The following STX17 variants were observed in gnomAD, a reference collection of about 807,000 sequenced individuals.
STX17 encodes the protein syntaxin-17.
A neutral mutation model predicts 35.9 loss-of-function variants in STX17; 29 were observed. That is an observed-to-expected ratio of 0.81 (90% CI 0.60 to 1.10). The LOEUF (loss-of-function observed/expected upper bound fraction) is 1.10. Ranked by LOEUF, STX17 falls within the 50% of genes least tolerant of loss-of-function variation. The probability of loss-of-function intolerance (pLI) is 0.00; values close to 1 mark genes in which losing one functional copy is unlikely to be tolerated. For missense variants in STX17, 312 were observed against 352.3 expected, an observed-to-expected ratio of 0.89 and a Z score of 0.92; for synonymous variants, 92 against 118.3, an observed-to-expected ratio of 0.78 and a Z score of 1.44.
chr9:99,908,255 G>GC (rs879920165), intron 1 of STX17, among the ~76,000 whole-genome samples: 148 of 85,658 alleles, frequency 1.7e-3, no homozygotes, highest in Non-Finnish European at 4.3e-3. Flanking sequence ...TTGACATCTT[G>GC]GGGGGGAGCT....
chr9:99,949,193 A>G (rs941970812), intron 3 of STX17, among the ~76,000 whole-genome samples: 1 of 152,054 alleles, frequency 6.6e-6, no homozygotes, highest in African/African-American at 2.4e-5. Flanking sequence ...TAATACCTAC[A>G]TTTCACATAT....
intron 6 of STX17, among the ~76,000 whole-genome samples, chr9:99,963,311 A>G (rs1250736270): frequency 6.6e-6 from 1 of 152,088 alleles, no homozygotes; most frequent in African/African-American, 2.4e-5. Flanking sequence ...CCCTATTTCT[A>G]GTCAAGGAGA....
At chr9:99,913,545 C>A (rs971093325) in intron 1 of STX17, among the ~76,000 whole-genome samples, 2 of 151,702 alleles carry the variant, frequency 1.3e-5, no homozygotes, top group Non-Finnish European at 2.9e-5. Flanking sequence ...AGATTCTGTT[C>A]CTTTTTGGAA....
chr9:99,959,832 C>T, intron 4 of STX17, 85 bp from the exon 5 acceptor site: 1 of 956,490 alleles, frequency 1.0e-6, no homozygotes, highest in Admixed American at 2.3e-5. Context: ...TTTAACGTGG[C>T]ATTTGTTTTA....
intron 3 of STX17, among the ~76,000 whole-genome samples, chr9:99,939,124 A>G (rs1326549956): frequency 6.6e-6 from 1 of 152,190 alleles, no homozygotes; most frequent in African/African-American, 2.4e-5. Context: ...TTTAATTTTT[A>G]AAAAGGGGGA....
chr9:99,961,487 A>G (rs149714765), intron 6 of STX17, among the ~76,000 whole-genome samples: 1 of 152,352 alleles, frequency 6.6e-6, no homozygotes, highest in East Asian at 1.9e-4. Context: ...GGAAGCACAA[A>G]GTCAATTTGT....
chr9:99,964,225 G>C (rs1250746656), intron 6 of STX17, among the ~76,000 whole-genome samples: 1 of 152,120 alleles, frequency 6.6e-6, no homozygotes, highest in Non-Finnish European at 1.5e-5. Flanking sequence ...CAGTTCATTG[G>C]TTTTGAATTT....
intron 3 of STX17, 68 bp downstream of exon 3, chr9:99,928,911 A>G (rs1829049348): frequency 5.6e-6 from 8 of 1,421,298 alleles, no homozygotes; most frequent in Non-Finnish European, 5.9e-6. Flanking sequence ...TTTTGCTAAA[A>G]TATTACCTTT....
intron 2 of STX17, among the ~76,000 whole-genome samples, chr9:99,926,284 A>G (rs536240485): frequency 1.3e-5 from 2 of 151,984 alleles, no homozygotes; most frequent in Non-Finnish European, 2.9e-5. Flanking sequence ...TATTAATTCC[A>G]TTATCCCTAT....
intron 4 of STX17, among the ~76,000 whole-genome samples, chr9:99,957,950 C>T (rs1564073621): frequency 1.3e-5 from 2 of 152,172 alleles, no homozygotes; most frequent in Middle Eastern, 3.4e-3. Flanking sequence ...GTTTCTTACA[C>T]GGTGGCTATA....
intron 3 of STX17, among the ~76,000 whole-genome samples, chr9:99,947,728 C>A (rs1393173832): frequency 6.6e-6 from 1 of 152,108 alleles, no homozygotes; most frequent in African/African-American, 2.4e-5. Context: ...TAGGGTGGAG[C>A]TCTGACGATC....
chr9:99,922,413 A>G (rs1587914910), intron 2 of STX17, among the ~76,000 whole-genome samples: 1 of 152,296 alleles, frequency 6.6e-6, no homozygotes, highest in East Asian at 1.9e-4. Flanking sequence ...TGTATTTCCA[A>G]TGCCTGTCAC....
chr9:99,950,682 A>G (rs1452903851), intron 3 of STX17, among the ~76,000 whole-genome samples: 4 of 151,940 alleles, frequency 2.6e-5, no homozygotes, highest in Admixed American at 2.6e-4. Flanking sequence ...AGCCTTATAT[A>G]TGTTAAATGT....
chr9:99,912,471 T>C (rs1273413356), intron 1 of STX17, among the ~76,000 whole-genome samples: 1 of 152,242 alleles, frequency 6.6e-6, no homozygotes, highest in Admixed American at 6.5e-5. Context: ...ACTATTTGTT[T>C]CTTTGCTGTT....
intron 4 of STX17, among the ~76,000 whole-genome samples, chr9:99,959,619 C>T (rs1027236930): frequency 6.6e-6 from 1 of 151,924 alleles, no homozygotes; most frequent in African/African-American, 2.4e-5. Flanking sequence ...GCCACTACAC[C>T]TGGCTAACTT....
intron 3 of STX17, among the ~76,000 whole-genome samples, chr9:99,938,511 G>A (rs547963187): frequency 4.6e-5 from 7 of 152,166 alleles, no homozygotes; most frequent in African/African-American, 7.2e-5. Flanking sequence ...AAGGCCAGGC[G>A]CAGTGGCTCA....
rs1041853240 is a variant in STX17 at position 99,972,659 on chromosome 9, A to G, written c.*3986A>G. Among the ~76,000 whole-genome samples the G allele has an allele frequency of 6.6e-6, 1 of 152,216 alleles. No homozygotes were observed. Among genetic ancestry groups the G allele is most frequent in the Non-Finnish European group, 1.5e-5 (1 of 68,026 alleles). On this transcript the variant is annotated 3_prime_UTR_variant, in exon 8 of 8. Coordinates refer to ENST00000259400, the MANE Select transcript of STX17 (RefSeq NM_017919.3). ...TAAGAATCAAATACTGGTAACATCAATCACAAGAAGTTGAGGAAACCTGTA... is the reference window on the plus strand; with the variant it reads ...TAAGAATCAAATACTGGTAACATCAGTCACAAGAAGTTGAGGAAACCTGTA...
intron 3 of STX17, among the ~76,000 whole-genome samples, chr9:99,949,074 A>G (rs1208860043): frequency 6.6e-6 from 1 of 152,142 alleles, no homozygotes; most frequent in African/African-American, 2.4e-5. Flanking sequence ...GCTGTAGTCC[A>G]AATTCTGCCA....
Position 99,960,019 on chromosome 9 carries a change from A to G in STX17, c.518A>G (p.Glu173Gly), listed in dbSNP as rs750356925. 1.2e-6 allele frequency: 2 copies of G among 1,614,044 alleles called. No homozygotes were observed. Among genetic ancestry groups the G allele is most frequent in the Non-Finnish European group, 1.7e-6 (2 of 1,179,964 alleles). ...GATCAAAATGCTGCAGAATCGTGGG[A>G]AACCTTAGAAGCGGTATGTTAAAAA... ...PQDQNAAESW[E>G]TLEADLIELS... Residue 173 changes from glutamate to glycine, a missense_variant, in exon 5 of 8, where the codon GAA becomes GGA. Glu to Gly is a moderately conservative substitution (Grantham distance 98). Transcript: ENST00000259400.
Sources: gnomAD v4.1 joint callset for allele counts (sites outside exome capture counted in the v4.1 genomes callset) on GRCh38, gnomAD v4.1.1 for gene constraint, MANE v1.5 for transcripts, NCBI Gene and HGNC (gene_info 2026-07-23, HGNC 2026-07-21) for gene names.